The following EPHA6 variants were observed in gnomAD, a reference collection of about 807,000 sequenced individuals.
The protein encoded by EPHA6 is EPH receptor A6.
In EPHA6, 50 loss-of-function variants were observed where a neutral mutation model predicts 112.0. That is an observed-to-expected ratio of 0.45 (90% confidence interval 0.36 to 0.56). The LOEUF is 0.56. Among genes scored for constraint, EPHA6 ranks in the 20% least tolerant of loss-of-function variants. The probability of loss-of-function intolerance (pLI) is 0.00; values close to 1 mark genes in which losing one functional copy is unlikely to be tolerated. For synonymous variants in EPHA6, 529 were observed against 490.7 expected (o/e 1.08, Z -1.03); for missense variants, 1,280 against 1,417.4 (o/e 0.90, Z 1.56).
At chr3:97,645,468 G>A (rs2094051262) in intron 14 of EPHA6, among the ~76,000 whole-genome samples, 1 of 137,824 alleles carries the variant, frequency 7.3e-6, no homozygotes, top group Non-Finnish European at 1.5e-5. Flanking sequence ...TGAACAATGA[G>A]ATCACATGGA....
chr3:97,330,903 A>T (rs2082764734), intron 5 of EPHA6, among the ~76,000 whole-genome samples: 1 of 152,136 alleles, frequency 6.6e-6, no homozygotes. Context: ...GACCTAATAG[A>T]CTTCTACAGA....
intron 13 of EPHA6, among the ~76,000 whole-genome samples, chr3:97,624,128 CT>C (rs1279521348): frequency 1.3e-5 from 2 of 151,678 alleles, no homozygotes; most frequent in African/African-American, 4.8e-5. Flanking sequence ...AGAGGAAAAA[CT>C]TTCAATTTAT....
chr3:97,257,625 T>A (rs1259997096), intron 5 of EPHA6, among the ~76,000 whole-genome samples: 1 of 152,070 alleles, frequency 6.6e-6, no homozygotes, highest in Non-Finnish European at 1.5e-5. Context: ...GTATTGTGTA[T>A]CTAGCACTTT....
chr3:96,869,732 C>T (rs2036529431), intron 2 of EPHA6, among the ~76,000 whole-genome samples: 1 of 151,970 alleles, frequency 6.6e-6, no homozygotes, highest in Non-Finnish European at 1.5e-5. Flanking sequence ...TTGTATTGGA[C>T]TTAGATATAG....
rs540414767 is a variant in EPHA6, at chr3:96,853,262, A to G, written c.386-13563A>G. On this transcript the variant is annotated intron_variant, in intron 1 of 17. Transcript: ENST00000389672. ...GTATCTAATAGAACAGAAACTTTAC[A>G]GAAATATTGAATTTATATGAAAACC... Among the ~76,000 whole-genome samples, 146 of 152,274 alleles carry G rather than the reference A, an allele frequency of 9.6e-4. 1 individual carries two copies. Among genetic ancestry groups the G allele is most frequent in the African/African-American group, 3.3e-3 (139 of 41,572 alleles).
chr3:97,059,620 C>T (rs2045955525), intron 3 of EPHA6, among the ~76,000 whole-genome samples: 1 of 151,154 alleles, frequency 6.6e-6, no homozygotes, highest in Admixed American at 6.6e-5. Context: ...TTTTCACCCA[C>T]ACAATTTTGT....
chr3:96,863,344 C>T (rs2107439593), intron 1 of EPHA6, among the ~76,000 whole-genome samples: 1 of 151,964 alleles, frequency 6.6e-6, no homozygotes, highest in African/African-American at 2.4e-5. Flanking sequence ...TCTCACCTTG[C>T]TGTGTTCAAC....
At chr3:97,427,664 T>A (rs1211657437) in intron 6 of EPHA6, among the ~76,000 whole-genome samples, 1 of 151,548 alleles carries the variant, frequency 6.6e-6, no homozygotes, top group Non-Finnish European at 1.5e-5. Flanking sequence ...GTAACAAAAC[T>A]GCACATGTAT....
At chr3:96,942,612 C>T (rs1559610885) in intron 2 of EPHA6, among the ~76,000 whole-genome samples, 1 of 152,226 alleles carries the variant, frequency 6.6e-6, no homozygotes, top group Non-Finnish European at 1.5e-5. Flanking sequence ...CGGTGCGCTG[C>T]ACCCACTGTC....
At chr3:97,423,440 A>G (rs2088844063) in intron 6 of EPHA6, among the ~76,000 whole-genome samples, 3 of 152,212 alleles carry the variant, frequency 2.0e-5, no homozygotes, top group Non-Finnish European at 4.4e-5. Flanking sequence ...GAATACATCT[A>G]GCCAGGGAGG....
At chr3:97,665,239 A>C (rs2029898968) in intron 14 of EPHA6, among the ~76,000 whole-genome samples, 1 of 152,178 alleles carries the variant, frequency 6.6e-6, no homozygotes, top group African/African-American at 2.4e-5. Flanking sequence ...TATTTAACAA[A>C]TGGTGCTGGG....
intron 6 of EPHA6, among the ~76,000 whole-genome samples, chr3:97,443,062 T>A (rs573542921): frequency 1.4e-4 from 21 of 152,138 alleles, no homozygotes; most frequent in Non-Finnish European, 3.1e-4. Context: ...CTGCAGATAA[T>A]AAATCATGTT....
chr3:96,864,290 A>G (rs192089474), intron 1 of EPHA6, among the ~76,000 whole-genome samples: 14 of 152,200 alleles, frequency 9.2e-5, no homozygotes, highest in African/African-American at 2.9e-4. Flanking sequence ...AGGGTGGCCT[A>G]TGTATAATGT....
At chr3:97,217,130 C>CT (rs1175655817) in intron 3 of EPHA6, among the ~76,000 whole-genome samples, 3 of 152,022 alleles carry the variant, frequency 2.0e-5, no homozygotes, top group Non-Finnish European at 4.4e-5. Flanking sequence ...CTGATAAAAC[C>CT]TTATAAACTC....
chr3:97,702,864 TAAAG>T (rs2033473657), intron 14 of EPHA6, among the ~76,000 whole-genome samples: 1 of 152,154 alleles, frequency 6.6e-6, no homozygotes, highest in Non-Finnish European at 1.5e-5. Context: ...AAATCATAAA[TAAAG>T]AAACCCAACT....
At chr3:97,176,484 T>G (rs1361907944) in intron 3 of EPHA6, among the ~76,000 whole-genome samples, 1 of 151,694 alleles carries the variant, frequency 6.6e-6, no homozygotes, top group Non-Finnish European at 1.5e-5. Context: ...ATTAGTTTCC[T>G]TAAGACTGGT....
chr3:97,600,028 A>G (rs1023072143), intron 12 of EPHA6, among the ~76,000 whole-genome samples: 2 of 151,480 alleles, frequency 1.3e-5, no homozygotes, highest in Non-Finnish European at 3.0e-5. Context: ...CTTTGAAGCA[A>G]TTGTGAATGG....
intron 5 of EPHA6, among the ~76,000 whole-genome samples, chr3:97,270,258 C>T (rs999465745): frequency 3.3e-5 from 5 of 152,126 alleles, no homozygotes; most frequent in African/African-American, 9.7e-5. Flanking sequence ...GACTCTGCTA[C>T]AAACCCTAAC....
intron 2 of EPHA6, among the ~76,000 whole-genome samples, chr3:96,922,722 G>A (rs2039832965): frequency 6.6e-6 from 1 of 151,920 alleles, no homozygotes; most frequent in Non-Finnish European, 1.5e-5. Flanking sequence ...CATGTGCCAT[G>A]GGGTTTACTG....
Sources: allele counts gnomAD v4.1 joint callset (sites outside exome capture counted in the v4.1 genomes callset), GRCh38; gene constraint gnomAD v4.1.1; transcripts MANE v1.5; gene names NCBI Gene and HGNC (gene_info 2026-07-23, HGNC 2026-07-21).